SDC2: variants seen among roughly 807,000 people sequenced by gnomAD.
SDC2 encodes the protein syndecan 2, also known as syndecan-2.
A neutral mutation model predicts 22.2 loss-of-function variants in SDC2; 13 were observed. The ratio of observed to expected loss-of-function variants is 0.59; its 90% CI spans 0.38 to 0.93. The LOEUF is 0.93. SDC2 is among the 40% of genes least tolerant of loss of function. The probability of loss-of-function intolerance (pLI) is 0.00; values close to 1 mark genes in which losing one functional copy is unlikely to be tolerated. For synonymous variants in SDC2, 94 were observed against 92.8 expected (o/e 1.01, Z -0.07); for missense variants, 235 against 246.8 (o/e 0.95, Z 0.32).
At chr8:96,531,539 T>C (rs1813661485) in intron 1 of SDC2, among the ~76,000 whole-genome samples, 1 of 152,208 alleles carries the variant, frequency 6.6e-6, no homozygotes, top group South Asian at 2.1e-4. Flanking sequence ...ACAAAGAATG[T>C]ACTCAGGCTA....
At chr8:96,512,039 C>G (rs571158973) in intron 1 of SDC2, among the ~76,000 whole-genome samples, 1 of 152,150 alleles carries the variant, frequency 6.6e-6, no homozygotes, top group South Asian at 2.1e-4. Context: ...GGTGGCCAGT[C>G]CATCCATACT....
At chr8:96,596,563 C>CA (rs2130640653) in intron 2 of SDC2, among the ~76,000 whole-genome samples, 1 of 152,222 alleles carries the variant, frequency 6.6e-6, no homozygotes, top group African/African-American at 2.4e-5. Context: ...TGTAGGGGAC[C>CA]AAGAGTCTAA....
chr8:96,526,577 A>G, intron 1 of SDC2, among the ~76,000 whole-genome samples: 1 of 152,180 alleles, frequency 6.6e-6, no homozygotes, highest in East Asian at 1.9e-4. Context: ...TTGCACCCAG[A>G]GAACTATGGA....
intron 1 of SDC2, among the ~76,000 whole-genome samples, chr8:96,533,797 C>A (rs1012066057): frequency 6.6e-6 from 1 of 152,242 alleles, no homozygotes; most frequent in African/African-American, 2.4e-5. Flanking sequence ...ATGGATCCTG[C>A]ACTGGGGCCA....
chr8:96,536,042 T>C (rs1813749574), intron 1 of SDC2, among the ~76,000 whole-genome samples: 1 of 152,184 alleles, frequency 6.6e-6, no homozygotes, highest in Admixed American at 6.5e-5. Flanking sequence ...GAAATGTGCC[T>C]GAGGACTACC....
intron 1 of SDC2, among the ~76,000 whole-genome samples, chr8:96,508,224 A>G (rs1813273038): frequency 6.6e-6 from 1 of 151,642 alleles, no homozygotes; most frequent in Admixed American, 6.6e-5. Flanking sequence ...TGAACCCGGG[A>G]GGCGGAGCTT....
intron 1 of SDC2, among the ~76,000 whole-genome samples, chr8:96,567,415 G>A (rs1814317952): frequency 6.6e-6 from 1 of 152,112 alleles, no homozygotes; most frequent in Admixed American, 6.5e-5. Context: ...TGAATTAATC[G>A]TGTGTGACGA....
chr8:96,579,101 C>G (rs901326624), intron 1 of SDC2, among the ~76,000 whole-genome samples: 3 of 152,208 alleles, frequency 2.0e-5, no homozygotes, highest in African/African-American at 4.8e-5. Context: ...CGGATTTGAT[C>G]AGATCTAATT....
At chr8:96,564,136 G>A (rs770650476) in intron 1 of SDC2, among the ~76,000 whole-genome samples, 4 of 152,160 alleles carry the variant, frequency 2.6e-5, no homozygotes, top group Non-Finnish European at 4.4e-5. Context: ...AGTTGTACTG[G>A]TAAAAGGTTT....
At chr8:96,585,415 T>G (rs1814665558) in intron 1 of SDC2, among the ~76,000 whole-genome samples, 1 of 152,154 alleles carries the variant, frequency 6.6e-6, no homozygotes, top group African/African-American at 2.4e-5. Context: ...TCGGATGACA[T>G]GAGTTTGTAG....
intron 3 of SDC2, among the ~76,000 whole-genome samples, chr8:96,608,027 G>A (rs1186248727): frequency 6.6e-6 from 1 of 152,122 alleles, no homozygotes; most frequent in African/African-American, 2.4e-5. Context: ...AGTTAGAAGA[G>A]TGGTGAGAAA....
chr8:96,561,279 A>G (rs926109565), intron 1 of SDC2, among the ~76,000 whole-genome samples: 3 of 152,224 alleles, frequency 2.0e-5, no homozygotes, highest in Non-Finnish European at 2.9e-5. Context: ...TACTCAGTAT[A>G]TGCTTGCTCA....
chr8:96,520,008 T>G (rs1037904994), intron 1 of SDC2, among the ~76,000 whole-genome samples: 1 of 152,212 alleles, frequency 6.6e-6, no homozygotes, highest in African/African-American at 2.4e-5. Context: ...ATTTGGCTAA[T>G]TTAGTAAATA....
intron 1 of SDC2, among the ~76,000 whole-genome samples, chr8:96,541,765 A>G (rs979896321): frequency 6.6e-6 from 1 of 152,162 alleles, no homozygotes; most frequent in Non-Finnish European, 1.5e-5. Context: ...AGTTCTGGAG[A>G]TGAATGTGGT....
At chr8:96,536,871 A>G (rs1407727604) in intron 1 of SDC2, among the ~76,000 whole-genome samples, 3 of 152,212 alleles carry the variant, frequency 2.0e-5, no homozygotes, top group African/African-American at 4.8e-5. Context: ...GCTGTTGGCC[A>G]GAATACTGGA....
At chr8:96,567,029 T>A (rs779955655) in intron 1 of SDC2, among the ~76,000 whole-genome samples, 24 of 152,202 alleles carry the variant, frequency 1.6e-4, no homozygotes, top group Non-Finnish European at 2.9e-4. Flanking sequence ...AATTTTTGTA[T>A]TTTTAGTAGA....
intron 1 of SDC2, among the ~76,000 whole-genome samples, chr8:96,502,096 A>G (rs1364146372): frequency 6.6e-6 from 1 of 152,216 alleles, no homozygotes; most frequent in Non-Finnish European, 1.5e-5. Flanking sequence ...TAATTTATAA[A>G]GGAAAGATGT....
intron 1 of SDC2, among the ~76,000 whole-genome samples, chr8:96,592,266 A>G (rs1220512677): frequency 6.6e-6 from 1 of 152,236 alleles, no homozygotes; most frequent in East Asian, 1.9e-4. Flanking sequence ...CTGAGAAAAT[A>G]AAGTGGTACT....
intron 1 of SDC2, among the ~76,000 whole-genome samples, chr8:96,549,155 A>G (rs1381330016): frequency 1.3e-5 from 2 of 152,220 alleles, no homozygotes; most frequent in Non-Finnish European, 2.9e-5. Context: ...CTTGTACTAA[A>G]ATGAGACACC....
Sources: gnomAD v4.1 joint callset for allele counts (sites outside exome capture counted in the v4.1 genomes callset) on GRCh38, gnomAD v4.1.1 for gene constraint, MANE v1.5 for transcripts, NCBI Gene and HGNC (gene_info 2026-07-23, HGNC 2026-07-21) for gene names.